PRKCB: variants seen among roughly 807,000 people sequenced by gnomAD.
PRKCB encodes protein kinase C beta.
A neutral mutation model predicts 81.5 loss-of-function variants in PRKCB; 13 were observed. That is an observed-to-expected ratio of 0.16 (90% CI 0.10 to 0.25). PRKCB has a LOEUF of 0.25. Among genes scored for constraint, PRKCB ranks in the 10% least tolerant of loss-of-function variants. The pLI is 1.00. For missense variants in PRKCB, 509 were observed against 875.7 expected, an observed-to-expected ratio of 0.58 and a Z score of 5.29; for synonymous variants, 335 against 321.4, an observed-to-expected ratio of 1.04 and a Z score of -0.45.
intron 3 of PRKCB, among the ~76,000 whole-genome samples, chr16:24,009,591 A>AT (rs143129853): frequency 0.29 from 42,621 of 147,984 alleles, 6,140 homozygotes; most frequent in South Asian, 0.36. Flanking sequence ...CGCCCGGCCT[A>AT]TTTTTTTTTT....
At chr16:23,954,215 C>G (rs1964321512) in intron 2 of PRKCB, among the ~76,000 whole-genome samples, 1 of 151,960 alleles carries the variant, frequency 6.6e-6, no homozygotes, top group Admixed American at 6.6e-5. Flanking sequence ...TCTCAAAGTG[C>G]TGGGATTACA....
chr16:23,930,219 G>A (rs1238576604), intron 2 of PRKCB, among the ~76,000 whole-genome samples: 2 of 152,088 alleles, frequency 1.3e-5, no homozygotes, highest in African/African-American at 4.8e-5. Context: ...GCCACACTTT[G>A]TATGGATTGT....
intron 2 of PRKCB, among the ~76,000 whole-genome samples, chr16:23,950,060 G>A (rs866125852): frequency 2.0e-5 from 3 of 151,798 alleles, no homozygotes; most frequent in East Asian, 1.9e-4. Context: ...TCGCCGTGGG[G>A]CGGATGTGGC....
At chr16:23,984,417 A>G (rs887714297) in intron 2 of PRKCB, among the ~76,000 whole-genome samples, 4 of 152,204 alleles carry the variant, frequency 2.6e-5, no homozygotes, top group African/African-American at 9.6e-5. Flanking sequence ...AGACTCCAGA[A>G]TTCACATTCC....
intron 10 of PRKCB, among the ~76,000 whole-genome samples, chr16:24,160,131 A>G (rs1967230449): frequency 6.6e-6 from 1 of 151,602 alleles, no homozygotes; most frequent in Non-Finnish European, 1.5e-5. Context: ...CTCAAGTTCC[A>G]CAATCAGTAA....
rs1186836029 is a variant in PRKCB, at chr16:23,867,036, CCTTCCTTCCTTCCT to C, written c.205+29631_205+29644del. Among the ~76,000 whole-genome samples the C allele has an allele frequency of 3.5e-3, 305 of 87,638 alleles. 1 individual carries two copies. Among genetic ancestry groups the C allele is most frequent in the African/African-American group, 0.014 (288 of 20,220 alleles). The allele number at this position is 87,638 out of a possible 152,430, so 57.5% of individuals were successfully genotyped here. On this transcript the variant is annotated intron_variant, in intron 2 of 16. Transcript: ENST00000643927. The stretch of plus-strand genomic sequence containing the variant: ...TCCTTCCTTCCTTCCTTCCTTCCTT[CCTTCCTTCCTTCCT>C]TCTCTCTCTCTCTCTTTCTTTCTTT...
chr16:24,219,625 A>T lies in PRKCB; in HGVS notation c.*4809A>T. 9.5e-7 allele frequency: 1 copy of T among 1,054,696 alleles called. No individual in the cohort carries two copies. 65.3% of individuals were successfully genotyped at this position (1,054,696 alleles called of 1,614,324 possible). On this transcript the variant is annotated 3_prime_UTR_variant, in exon 17 of 17. Transcript: ENST00000643927. The stretch of plus-strand genomic sequence containing the variant: ...CATGGTAATAAGTAGCTTCCAATTC[A>T]ATTCATCCTAAAGCCAAAGAAAATA...
intron 9 of PRKCB, among the ~76,000 whole-genome samples, chr16:24,153,338 T>G (rs1012618889): frequency 6.6e-6 from 1 of 152,186 alleles, no homozygotes; most frequent in African/African-American, 2.4e-5. Context: ...CTTCCTATGA[T>G]GTTATGCAAT....
At chr16:24,018,847 CAT>C (rs1164730450) in intron 3 of PRKCB, among the ~76,000 whole-genome samples, 5 of 152,218 alleles carry the variant, frequency 3.3e-5, no homozygotes, top group Admixed American at 3.3e-4. Context: ...TCAAATGTGC[CAT>C]GCGTGTGTAA....
chr16:23,842,636 T>C (rs1479178687), intron 2 of PRKCB, among the ~76,000 whole-genome samples: 1 of 152,238 alleles, frequency 6.6e-6, no homozygotes, highest in Non-Finnish European at 1.5e-5. Flanking sequence ...GTACAAATTT[T>C]CTATGAAAAG....
intron 12 of PRKCB, among the ~76,000 whole-genome samples, 186 bp from the exon 13 acceptor site, chr16:24,180,604 G>A (rs1221641250): frequency 2.0e-5 from 3 of 152,150 alleles, no homozygotes; most frequent in Admixed American, 1.3e-4. Flanking sequence ...GAAAAGCACG[G>A]AGGCTTGCGG....
intron 2 of PRKCB, among the ~76,000 whole-genome samples, chr16:23,972,534 A>G (rs1964571516): frequency 1.3e-5 from 2 of 152,196 alleles, no homozygotes; most frequent in East Asian, 3.8e-4. Context: ...TCCTGTACTT[A>G]GGTTTTCCCC....
intron 5 of PRKCB, among the ~76,000 whole-genome samples, chr16:24,069,075 A>G (rs1966076084): frequency 6.6e-6 from 1 of 152,238 alleles, no homozygotes. Context: ...TTTTTAAACA[A>G]GGAGACTGAG....
At chr16:24,178,432 G>A (rs1428065131) in intron 12 of PRKCB, among the ~76,000 whole-genome samples, 1 of 152,218 alleles carries the variant, frequency 6.6e-6, no homozygotes. Context: ...CTGGCTCTTG[G>A]CACCTGAAAC....
intron 5 of PRKCB, among the ~76,000 whole-genome samples, chr16:24,071,436 T>TAAAAAAAAAAAAAAA (rs398042091): frequency 1.7e-5 from 1 of 57,276 alleles, no homozygotes; most frequent in African/African-American, 5.8e-5. Flanking sequence ...AGACCCTGTC[T>TAAAAAAAAAAAAAAA]AAAAAAAAAA....
intron 10 of PRKCB, among the ~76,000 whole-genome samples, chr16:24,164,728 G>A (rs1412775257): frequency 6.6e-6 from 1 of 152,160 alleles, no homozygotes; most frequent in Non-Finnish European, 1.5e-5. Flanking sequence ...AGTTCTTCTT[G>A]GAAAATTGAG....
chr16:24,109,289 C>T (rs1490747940), intron 7 of PRKCB, among the ~76,000 whole-genome samples: 8 of 62,188 alleles, frequency 1.3e-4, no homozygotes, highest in African/African-American at 4.0e-4. Flanking sequence ...GGGGGGCTGA[C>T]CCCCCCACCT....
chr16:23,995,935 C>A (rs1208371077), intron 3 of PRKCB, among the ~76,000 whole-genome samples: 4 of 151,760 alleles, frequency 2.6e-5, no homozygotes, highest in African/African-American at 7.3e-5. Flanking sequence ...TTAGGACATC[C>A]CTGAGGGACA....
intron 2 of PRKCB, among the ~76,000 whole-genome samples, chr16:23,866,392 TA>T (rs1204449448): frequency 6.6e-6 from 1 of 152,246 alleles, no homozygotes; most frequent in Admixed American, 6.5e-5. Context: ...AAGAAATGCA[TA>T]AGTACAATCT....
Sources: gnomAD v4.1 joint callset for allele counts (sites outside exome capture counted in the v4.1 genomes callset) on GRCh38, gnomAD v4.1.1 for gene constraint, MANE v1.5 for transcripts, NCBI Gene and HGNC (gene_info 2026-07-23, HGNC 2026-07-21) for gene names.